KDM3B: variants seen among roughly 807,000 people sequenced by gnomAD.
KDM3B encodes lysine-specific demethylase 3B.
Under a neutral mutation model 170.0 loss-of-function variants are expected in KDM3B, and 10 were observed. The ratio of observed to expected loss-of-function variants is 0.06; its 90% CI spans 0.04 to 0.10. The LOEUF (loss-of-function observed/expected upper bound fraction) is 0.10, where lower values mean the gene tolerates loss of function less well. Ranked by LOEUF, KDM3B falls within the 10% of genes least tolerant of loss-of-function variation. KDM3B has a pLI of 1.00. For missense variants in KDM3B, 1,394 were observed against 2,195.2 expected (o/e 0.64, Z 7.29); for synonymous variants, 831 against 834.8 (o/e 1.00, Z 0.08).
chr5:138,424,044 C>A, intron 15 of KDM3B, 31 bp from the exon 16 acceptor site: 1 of 1,506,716 alleles, frequency 6.6e-7, no homozygotes, highest in South Asian at 1.4e-5. Flanking sequence ...GTGCCTCAGT[C>A]AAGCTTACCT....
Position 138,390,330 on chromosome 5 carries a change from C to T in KDM3B, c.1381-683C>T, listed in dbSNP as rs1450948054. On this transcript the variant is annotated intron_variant, in intron 7 of 23. Transcript: ENST00000314358. The stretch of plus-strand genomic sequence containing the variant: ...GATTCTTATTAGATTCTAATTATAA[C>T]AAAGGTCTTGGTAAATAGCTTGCTT... Among the ~76,000 whole-genome samples, 7 of 152,054 alleles carry T rather than the reference C, an allele frequency of 4.6e-5. No homozygotes were observed. In the East Asian group the frequency reaches 1.3e-3, roughly 29 times the overall value.
chr5:138,417,420 AGCACAATATGTG>A, intron 12 of KDM3B, 51 bp from the exon 13 acceptor site: 1 of 1,528,336 alleles, frequency 6.5e-7, no homozygotes, highest in South Asian at 1.1e-5. Context: ...GAACACTCTT[AGCACAATATGTG>A]GCATATATGA....
intron 20 of KDM3B, among the ~76,000 whole-genome samples, chr5:138,429,236 G>C (rs1251999021): frequency 6.6e-6 from 1 of 152,046 alleles, no homozygotes; most frequent in African/African-American, 2.4e-5. Context: ...ATTTTTAGTA[G>C]AGATGGGGTG....
rs995306823 is a variant in KDM3B at position 138,436,541 on chromosome 5, A to G, written c.*841A>G. 9 of 152,044 alleles carry G rather than the reference A, an allele frequency of 5.9e-5. No individual in the cohort carries two copies. Among genetic ancestry groups the G allele is most frequent in the African/African-American group, 9.7e-5 (4 of 41,402 alleles). 9.4% of individuals were successfully genotyped at this position (152,044 alleles called of 1,614,324 possible). ...TTAGGATTCTTTTTCTCCCCCTCCCATCTTAGTCTTACCTTGAGGGAACAG... is the reference window on the plus strand; with the variant it reads ...TTAGGATTCTTTTTCTCCCCCTCCCGTCTTAGTCTTACCTTGAGGGAACAG... On this transcript the variant is annotated 3_prime_UTR_variant, in exon 24 of 24. Transcript: ENST00000314358.
Position 138,420,869 on chromosome 5 carries a change from T to G in KDM3B, c.3879T>G (p.Leu1293=). 6.2e-7 allele frequency: 1 copy of G among 1,614,112 alleles called. No homozygotes were observed. Among genetic ancestry groups the G allele is most frequent in the Non-Finnish European group, 8.5e-7 (1 of 1,180,020 alleles). ...ACAACAAAACCGAAGGGTCTAGCCT[T>G]CGAGACCTCCTTCACTCCGGGCCGG... ...ASNNKTEGSS[L]RDLLHSGPGK... The change falls in exon 15 of 24, where the codon CTT becomes CTG. Residue 1293 remains leucine (L), a synonymous_variant. Coordinates refer to ENST00000314358, the MANE Select transcript of KDM3B (RefSeq NM_016604.4).
chr5:138,391,721 G>A lies in KDM3B; in HGVS notation c.2089G>A (p.Asp697Asn). 6.2e-7 allele frequency: 1 copy of A among 1,614,010 alleles called. No homozygotes were observed. Among genetic ancestry groups the A allele is most frequent in the African/African-American group, 1.3e-5 (1 of 74,998 alleles). ...GAAGAAACCCCTCTTCATTACAACT[G>A]ACTCCTCCAAGCTAGTATCTGGTGT... Reference protein sequence around the residue: ...AKKKPLFITTDSSKLVSGVLG... With the variant: ...AKKKPLFITTNSSKLVSGVLG... Residue 697 changes from aspartate to asparagine, a missense_variant, in exon 8 of 24, where the codon GAC (aspartate) becomes AAC (asparagine). Coordinates refer to ENST00000314358, the MANE Select transcript of KDM3B (RefSeq NM_016604.4). The surrounding 1 kb of genome is among the most constrained non-coding windows in gnomAD (Gnocchi z 5.0).
At chr5:138,371,092 C>G (rs1013550291) in intron 1 of KDM3B, among the ~76,000 whole-genome samples, 4 of 152,126 alleles carry the variant, frequency 2.6e-5, no homozygotes, top group Non-Finnish European at 4.4e-5. Context: ...CAGGCATGAG[C>G]CCCCGTGCCT....
chr5:138,396,242 C>CAA (rs1762543314), intron 9 of KDM3B, among the ~76,000 whole-genome samples: 1 of 151,998 alleles, frequency 6.6e-6, no homozygotes, highest in African/African-American at 2.4e-5. Flanking sequence ...ACTACAGGTG[C>CAA]CCGCCACCAC....
chr5:138,433,887 G>A (rs113322698), intron 23 of KDM3B, among the ~76,000 whole-genome samples: 39,623 of 151,162 alleles, frequency 0.26, 6,154 homozygotes, highest in South Asian at 0.4. Context: ...TTACAGGCAC[G>A]TGTCATCACA....
At chr5:138,404,878 C>G (rs1479177486) in intron 11 of KDM3B, among the ~76,000 whole-genome samples, 1 of 151,652 alleles carries the variant, frequency 6.6e-6, no homozygotes, top group East Asian at 2.0e-4. Flanking sequence ...GCATGTGCCA[C>G]CATGCCCTGC....
chr5:138,396,331 G>A lies in KDM3B; in HGVS notation c.2832-1847G>A, dbSNP rs564740285. Among the ~76,000 whole-genome samples the A allele has an allele frequency of 6.8e-4, 103 of 152,138 alleles. 1 individual carries two copies. The East Asian group carries it at 0.011, about 17-fold the overall frequency. Reference sequence around the variant, plus strand: ...AGGATGGTCTTGATCTCCTGACCTCGTGATCCGCCCGCCTCAGCCTCCCAA... The same window carrying A: ...AGGATGGTCTTGATCTCCTGACCTCATGATCCGCCCGCCTCAGCCTCCCAA... On this transcript the variant is annotated intron_variant, in intron 9 of 23. Transcript: ENST00000314358.
At chr5:138,419,795 C>G (rs184619358) in intron 14 of KDM3B, among the ~76,000 whole-genome samples, 2 of 148,988 alleles carry the variant, frequency 1.3e-5, no homozygotes, top group African/African-American at 5.0e-5. Context: ...CTTTCAACTT[C>G]TTTCTAGAAG....
At chr5:138,374,987 T>C in intron 2 of KDM3B, 106 bp from the exon 3 acceptor site, 1 of 695,346 alleles carries the variant, frequency 1.4e-6, no homozygotes, top group Non-Finnish European at 2.6e-6. Context: ...CTGTATTTAC[T>C]GGGATGAAAG....
chr5:138,361,104 C>G (rs375022978), intron 1 of KDM3B, among the ~76,000 whole-genome samples: 2 of 152,156 alleles, frequency 1.3e-5, no homozygotes, highest in Admixed American at 6.5e-5. Flanking sequence ...GGGGTGGGTT[C>G]TATATAGGCT....
At chr5:138,424,530 G>A (rs1056656314) in intron 16 of KDM3B, among the ~76,000 whole-genome samples, 189 bp downstream of exon 16, 2 of 152,188 alleles carry the variant, frequency 1.3e-5, no homozygotes, top group Non-Finnish European at 2.9e-5. Flanking sequence ...GCTCACGCCT[G>A]TAATCTCAGC....
chr5:138,391,439 C>T lies in KDM3B; in HGVS notation c.1807C>T (p.Pro603Ser). The T allele has an allele frequency of 1.2e-6, 2 of 1,614,068 alleles. No homozygotes were observed. The highest frequency in any genetic ancestry group is 1.7e-6 in the Non-Finnish European group (2 of 1,179,980). Residue 603 changes from proline to serine, a missense_variant, in exon 8 of 24, where the codon CCA becomes TCA. Physicochemically the swap from Pro to Ser is moderately conservative, Grantham distance 74. This residue lies in a region of KDM3B where 294 missense variants were observed against 311.7 expected (regional missense o/e 0.94). Transcript: ENST00000314358. This position sits in a 1 kb window ranked among gnomAD's most constrained non-coding sequence, Gnocchi z 5.0. ...TGCAGAGTCCATGCCCACCCTCACT[C>T]CAGCCTTCCCACGGAGCCTCCTAAA... Reference protein sequence around the residue: ...VPAESMPTLTPAFPRSLLNAR... With the variant: ...VPAESMPTLTSAFPRSLLNAR...
chr5:138,428,500 T>G (rs967676188), intron 20 of KDM3B, among the ~76,000 whole-genome samples: 2 of 152,206 alleles, frequency 1.3e-5, no homozygotes, highest in Non-Finnish European at 2.9e-5. Flanking sequence ...CGTCAGCCAC[T>G]GCACCCGGCT....
chr5:138,379,325 G>C (rs537346088), intron 4 of KDM3B, among the ~76,000 whole-genome samples: 54 of 152,092 alleles, frequency 3.6e-4, no homozygotes, highest in Non-Finnish European at 7.1e-4. Flanking sequence ...TTGAGGCAAG[G>C]GGGAGTTGGA....
chr5:138,359,244 C>G lies in KDM3B; in HGVS notation c.192+6257C>G, dbSNP rs964195031. On this transcript the variant is annotated intron_variant, in intron 1 of 23. Transcript: ENST00000314358. ...TGGTGCGGTCTTGGCTCACTGCAAC[C>G]TCCACCTCCAGAGTTCAAGTGATTC... 3.3e-5 allele frequency among the ~76,000 whole-genome samples: 5 copies of G among 151,830 alleles called. No homozygotes were observed. In the East Asian group the frequency reaches 7.7e-4, roughly 23 times the overall value.
Sources: gnomAD v4.1 joint callset for allele counts (sites outside exome capture counted in the v4.1 genomes callset) on GRCh38, gnomAD v4.1.1 for gene constraint, gnomAD v4.1.1 regional missense constraint, Gnocchi (gnomAD v3.1) non-coding constraint, MANE v1.5 for transcripts, NCBI Gene and HGNC (gene_info 2026-07-23, HGNC 2026-07-21) for gene names.